Variants in KDM4C observed in about 807,000 individuals in gnomAD.
KDM4C encodes lysine-specific demethylase 4C.
Under a neutral mutation model 129.3 loss-of-function variants are expected in KDM4C, and 81 were observed. The ratio of observed to expected loss-of-function variants is 0.63; its 90% CI spans 0.52 to 0.75. KDM4C has a LOEUF of 0.75. Ranked by LOEUF, KDM4C falls within the 30% of genes least tolerant of loss-of-function variation. The pLI, the probability that KDM4C is intolerant of heterozygous loss-of-function variation, is 0.00. For synonymous variants in KDM4C, 573 were observed against 456.1 expected (o/e 1.26, Z -3.26); for missense variants, 1,457 against 1,304.0 (o/e 1.12, Z -1.81).
intron 2 of KDM4C, among the ~76,000 whole-genome samples, chr9:6,794,942 A>T (rs1827441153): frequency 6.6e-6 from 1 of 152,192 alleles, no homozygotes; most frequent in East Asian, 1.9e-4. Flanking sequence ...CTATAATGTA[A>T]GTCTATTTTA....
intron 18 of KDM4C, chr9:7,105,445 C>G: frequency 2.1e-6 from 1 of 470,898 alleles, no homozygotes; most frequent in African/African-American, 2.0e-5. Flanking sequence ...AGTTGTATTG[C>G]TACTACTACT....
At chr9:6,972,704 C>G (rs990745509) in intron 8 of KDM4C, among the ~76,000 whole-genome samples, 2 of 152,164 alleles carry the variant, frequency 1.3e-5, no homozygotes, top group Non-Finnish European at 1.5e-5. Flanking sequence ...CTAATGGTAA[C>G]AGTCATGGGA....
chr9:6,829,312 G>A (rs1406590501), intron 4 of KDM4C, among the ~76,000 whole-genome samples: 1 of 152,232 alleles, frequency 6.6e-6, no homozygotes, highest in Non-Finnish European at 1.5e-5. Flanking sequence ...TGAGGAAGCT[G>A]AGCCTGTTTT....
At chr9:6,841,840 T>G (rs559217572) in intron 4 of KDM4C, among the ~76,000 whole-genome samples, 7 of 152,348 alleles carry the variant, frequency 4.6e-5, no homozygotes, top group African/African-American at 1.7e-4. Context: ...AGACCTTCCC[T>G]GCCATTCTGC....
intron 5 of KDM4C, among the ~76,000 whole-genome samples, chr9:6,871,103 A>G (rs1842765550): frequency 1.3e-5 from 2 of 152,218 alleles, no homozygotes; most frequent in African/African-American, 4.8e-5. Flanking sequence ...ACAATAGGGA[A>G]TTTTGAGGGA....
At chr9:7,077,022 C>T in intron 17 of KDM4C, 3 of 985,508 alleles carry the variant, frequency 3.0e-6, no homozygotes, top group Non-Finnish European at 3.6e-6. Flanking sequence ...ATCCTTCCTT[C>T]TTGCTGCACA....
chr9:6,945,912 C>G (rs547752272), intron 8 of KDM4C, among the ~76,000 whole-genome samples: 7 of 152,216 alleles, frequency 4.6e-5, no homozygotes, highest in South Asian at 2.1e-4. Flanking sequence ...TTGGAACTCA[C>G]AGATTTTATG....
chr9:6,923,333 G>T (rs1821897083), intron 8 of KDM4C, among the ~76,000 whole-genome samples: 1 of 151,938 alleles, frequency 6.6e-6, no homozygotes, highest in South Asian at 2.1e-4. Flanking sequence ...CACAAGTATG[G>T]TTTGTAGTTG....
chr9:7,069,057 C>T (rs183440758), intron 17 of KDM4C, among the ~76,000 whole-genome samples: 18 of 152,170 alleles, frequency 1.2e-4, no homozygotes, highest in African/African-American at 3.6e-4. Flanking sequence ...GTGGAGCATT[C>T]GTAGAATCAA....
upstream of KDM4C, among the ~76,000 whole-genome samples, chr9:6,757,196 C>T (rs1025564466): frequency 8.5e-5 from 13 of 152,188 alleles, no homozygotes; most frequent in African/African-American, 3.1e-4. Flanking sequence ...CTTATCTAGT[C>T]TCAGACGCTG....
chr9:6,974,808 A>G (rs936609683), intron 8 of KDM4C: 2 of 152,206 alleles, frequency 1.3e-5, no homozygotes, highest in Non-Finnish European at 2.9e-5. Flanking sequence ...GCATGAATTC[A>G]GAACAAAACA....
intron 4 of KDM4C, among the ~76,000 whole-genome samples, chr9:6,842,652 A>G (rs1484730898): frequency 6.6e-6 from 1 of 151,890 alleles, no homozygotes; most frequent in Admixed American, 6.6e-5. Flanking sequence ...ACATGTTTTT[A>G]AAAGTTGGTT....
intron 5 of KDM4C, among the ~76,000 whole-genome samples, chr9:6,865,810 G>T (rs1168022530): frequency 6.6e-6 from 1 of 151,892 alleles, no homozygotes; most frequent in Admixed American, 6.6e-5. Context: ...GAGTGCAGTG[G>T]CGCAATCTCT....
At position 7,160,005 on chromosome 9, in the gene KDM4C, T is replaced by C. The variant is rs1012639098; in HGVS notation, c.2782-5233T>C. Among the ~76,000 whole-genome samples, 4 of 152,226 alleles carry C rather than the reference T, an allele frequency of 2.6e-5. No homozygotes were observed. In the East Asian group the frequency reaches 7.7e-4, roughly 29 times the overall value. Reference sequence around the variant, plus strand: ...GATTTGGTCTTTTCACATAGACCCATATTTCTTGGGGCTTTGTTCGTTTCT... The same window carrying C: ...GATTTGGTCTTTTCACATAGACCCACATTTCTTGGGGCTTTGTTCGTTTCT... On this transcript the variant is annotated intron_variant, in intron 19 of 21. Coordinates refer to ENST00000381309, the MANE Select transcript of KDM4C (RefSeq NM_015061.6).
At chr9:6,821,407 A>C (rs1303834986) in intron 4 of KDM4C, among the ~76,000 whole-genome samples, 1 of 152,052 alleles carries the variant, frequency 6.6e-6, no homozygotes, top group Non-Finnish European at 1.5e-5. Flanking sequence ...TTTAATGATC[A>C]CCATTCTAAC....
chr9:6,959,778 G>T (rs1169050826), intron 8 of KDM4C, among the ~76,000 whole-genome samples: 1 of 152,038 alleles, frequency 6.6e-6, no homozygotes, highest in East Asian at 1.9e-4. Context: ...TAACATGACG[G>T]ATATATATGT....
At chr9:7,050,019 C>G (rs1172752435) in intron 17 of KDM4C, among the ~76,000 whole-genome samples, 1 of 152,094 alleles carries the variant, frequency 6.6e-6, no homozygotes, top group Non-Finnish European at 1.5e-5. Context: ...GGCATCATCA[C>G]TATGACTCTT....
intron 12 of KDM4C, among the ~76,000 whole-genome samples, chr9:7,007,370 G>A (rs1821867925): frequency 6.6e-6 from 1 of 152,104 alleles, no homozygotes; most frequent in South Asian, 2.1e-4. Context: ...GACTGAGGAA[G>A]AAAAAAATGA....
At chr9:6,995,741 A>G (rs537314072) in intron 12 of KDM4C, among the ~76,000 whole-genome samples, 33 of 151,758 alleles carry the variant, frequency 2.2e-4, no homozygotes, top group East Asian at 1.9e-3. Context: ...GCGCAGTCTC[A>G]GCTCACTGCA....
Sources: allele counts gnomAD v4.1 joint callset (sites outside exome capture counted in the v4.1 genomes callset), GRCh38; gene constraint gnomAD v4.1.1; transcripts MANE v1.5; gene names NCBI Gene and HGNC (gene_info 2026-07-23, HGNC 2026-07-21).